Variants in GRID2 observed in about 807,000 individuals in gnomAD.
GRID2 encodes glutamate ionotropic receptor delta type subunit 2.
In GRID2, 33 loss-of-function variants were observed where a neutral mutation model predicts 114.8. That is an observed-to-expected ratio of 0.29 (90% CI 0.22 to 0.38). GRID2 has a LOEUF of 0.38. Ranked by LOEUF, GRID2 falls within the 10% of genes least tolerant of loss-of-function variation. GRID2 has a pLI of 1.00. For synonymous variants in GRID2, 505 were observed against 449.9 expected (o/e 1.12, Z -1.55); for missense variants, 1,184 against 1,257.7 (o/e 0.94, Z 0.89).
intron 1 of GRID2, among the ~76,000 whole-genome samples, chr4:92,466,947 A>T (rs1010772543): frequency 4.0e-5 from 6 of 151,750 alleles, no homozygotes; most frequent in Non-Finnish European, 8.8e-5. Context: ...TTATTCCTCG[A>T]ATTAACGGTG....
rs777010122 is a variant in GRID2 at position 93,490,703 on chromosome 4, T to C, written c.1923T>C (p.Ala641=). The C allele has an allele frequency of 2.5e-6, 4 of 1,610,854 alleles. No individual in the cohort carries two copies. The Admixed American group carries it at 6.7e-5, about 27-fold the overall frequency. The change falls in exon 12 of 16, where the codon GCT becomes GCC. Residue 641 remains alanine, a synonymous_variant. Transcript: ENST00000282020. ...RMMMGAWWLF[A]LIVISSYTAN... The stretch of plus-strand genomic sequence containing the variant: ...TGATGGGGGCTTGGTGGCTATTTGC[T>C]TTGATTGTTATCTCATCTTACACGG...
At chr4:92,630,405 GTC>G (rs1730745115) in intron 2 of GRID2, among the ~76,000 whole-genome samples, 3 of 152,084 alleles carry the variant, frequency 2.0e-5, no homozygotes, top group Non-Finnish European at 2.9e-5. Context: ...GAAATAACAA[GTC>G]TCTCCTTTTC....
intron 2 of GRID2, among the ~76,000 whole-genome samples, chr4:92,720,407 A>G (rs1023035919): frequency 6.6e-6 from 1 of 152,054 alleles, no homozygotes; most frequent in African/African-American, 2.4e-5. Flanking sequence ...TAAGAAATTC[A>G]TACTCAGATG....
At chr4:93,656,855 A>C (rs1040310199) in intron 14 of GRID2, among the ~76,000 whole-genome samples, 3 of 148,166 alleles carry the variant, frequency 2.0e-5, no homozygotes, top group East Asian at 1.9e-4. Flanking sequence ...AAAAAAAAAA[A>C]AACAAATAAT....
At chr4:93,445,674 A>G (rs1217688867) in intron 10 of GRID2, among the ~76,000 whole-genome samples, 1 of 152,008 alleles carries the variant, frequency 6.6e-6, no homozygotes, top group Admixed American at 6.6e-5. Context: ...AATACCTAAA[A>G]CTTGGGAAAT....
In GRID2 at chr4:92,488,523, T is replaced by C. The variant is rs189677245; in HGVS notation, c.89-101608T>C. ...CTTGCACTACTTTTCTAGACTCTCA[T>C]ATGAAGCAAAATCTTTATGTTACTG... On this transcript the variant is annotated intron_variant, in intron 1 of 15. Coordinates refer to ENST00000282020, the MANE Select transcript of GRID2 (RefSeq NM_001510.4). Among the ~76,000 whole-genome samples, 66 of 152,270 alleles carry C rather than the reference T, an allele frequency of 4.3e-4. No individual in the cohort carries two copies. The East Asian group carries it at 0.011, about 25-fold the overall frequency.
chr4:93,590,739 G>A (rs997986999), intron 13 of GRID2, among the ~76,000 whole-genome samples: 18 of 152,136 alleles, frequency 1.2e-4, no homozygotes, highest in African/African-American at 2.2e-4. Flanking sequence ...CGTGAGCAGC[G>A]GTTTGTAGTT....
At chr4:93,531,528 G>C (rs774871642) in intron 13 of GRID2, among the ~76,000 whole-genome samples, 1 of 151,538 alleles carries the variant, frequency 6.6e-6, no homozygotes, top group East Asian at 1.9e-4. Flanking sequence ...AACAAAATGG[G>C]GAAGAAAAAA....
chr4:92,653,496 G>A (rs1435818300), intron 2 of GRID2, among the ~76,000 whole-genome samples: 2 of 151,724 alleles, frequency 1.3e-5, no homozygotes, highest in East Asian at 1.9e-4. Flanking sequence ...TTTGTTCATC[G>A]TCTGGTTTTC....
At chr4:93,091,302 C>T (rs975568037) in intron 3 of GRID2, among the ~76,000 whole-genome samples, 14 of 152,056 alleles carry the variant, frequency 9.2e-5, no homozygotes, top group Non-Finnish European at 2.1e-4. Context: ...ATAGGAGTGG[C>T]AGATGCATCC....
At chr4:93,184,911 A>G (rs1180356187) in intron 4 of GRID2, among the ~76,000 whole-genome samples, 1 of 152,048 alleles carries the variant, frequency 6.6e-6, no homozygotes, top group Non-Finnish European at 1.5e-5. Flanking sequence ...AAATAACAAT[A>G]TCCACTCTCC....
intron 2 of GRID2, among the ~76,000 whole-genome samples, chr4:92,635,656 A>T (rs780995754): frequency 6.6e-6 from 1 of 152,108 alleles, no homozygotes; most frequent in Non-Finnish European, 1.5e-5. Context: ...CCAGGGTAAA[A>T]ATCCTTACAA....
chr4:93,681,743 C>T (rs1275038402), intron 14 of GRID2, among the ~76,000 whole-genome samples: 1 of 152,196 alleles, frequency 6.6e-6, no homozygotes, highest in African/African-American at 2.4e-5. Context: ...AAAGCTGAAA[C>T]TGGATCCCTT....
intron 1 of GRID2, among the ~76,000 whole-genome samples, chr4:92,307,743 C>T (rs970910566): frequency 6.6e-5 from 10 of 151,988 alleles, no homozygotes; most frequent in Middle Eastern, 6.4e-3. Context: ...TTAATCATTA[C>T]GTATATTTTT....
chr4:93,731,933 G>A (rs1004856235), intron 14 of GRID2, among the ~76,000 whole-genome samples: 2 of 152,080 alleles, frequency 1.3e-5, no homozygotes, highest in African/African-American at 4.8e-5. Flanking sequence ...ACCCGTCTTC[G>A]CACAGAATCC....
intron 2 of GRID2, among the ~76,000 whole-genome samples, chr4:93,072,788 AT>A (rs1214812091): frequency 1.3e-5 from 2 of 152,194 alleles, no homozygotes; most frequent in East Asian, 3.8e-4. Flanking sequence ...CTAGTCTATC[AT>A]TTACCACTAT....
chr4:93,423,496 G>A (rs138185867), intron 10 of GRID2, among the ~76,000 whole-genome samples: 1,882 of 151,160 alleles, frequency 0.012, 46 homozygotes, highest in African/African-American at 0.043. Flanking sequence ...ACAGGCGCCC[G>A]CCCCCACGCC....
chr4:92,912,957 C>A (rs1006415417), intron 2 of GRID2, among the ~76,000 whole-genome samples: 5 of 151,660 alleles, frequency 3.3e-5, no homozygotes, highest in Non-Finnish European at 7.4e-5. Context: ...ATAGAAACTT[C>A]TATAAAAGTA....
intron 8 of GRID2, among the ~76,000 whole-genome samples, chr4:93,325,945 T>C (rs1023431704): frequency 3.3e-5 from 5 of 152,260 alleles, no homozygotes; most frequent in African/African-American, 1.2e-4. Context: ...AGATACATTT[T>C]GTGTTACTCC....
Sources: allele counts gnomAD v4.1 joint callset (sites outside exome capture counted in the v4.1 genomes callset), GRCh38; gene constraint gnomAD v4.1.1; transcripts MANE v1.5; gene names NCBI Gene and HGNC (gene_info 2026-07-23, HGNC 2026-07-21).